Variants in PDZRN4 observed in about 807,000 individuals in gnomAD.
PDZRN4 encodes the protein PDZ domain-containing RING finger protein 4.
Under a neutral mutation model 99.0 loss-of-function variants are expected in PDZRN4, and 70 were observed. The ratio of observed to expected loss-of-function variants is 0.71; its 90% confidence interval spans 0.58 to 0.86. PDZRN4 has a LOEUF of 0.86. Among genes scored for constraint, PDZRN4 ranks in the 40% least tolerant of loss-of-function variants. The pLI is 0.00. For missense variants in PDZRN4, 1,474 were observed against 1,331.2 expected (o/e 1.11, Z -1.67); for synonymous variants, 551 against 501.6 (o/e 1.10, Z -1.32).
chr12:41,377,557 G>A (rs778409083), intron 3 of PDZRN4, among the ~76,000 whole-genome samples: 15 of 152,010 alleles, frequency 9.9e-5, no homozygotes, highest in South Asian at 4.1e-4. Context: ...CCAGCTACTC[G>A]GGAGGCTGAA....
At chr12:41,566,123 C>T (rs924037267) in intron 8 of PDZRN4, among the ~76,000 whole-genome samples, 2 of 152,160 alleles carry the variant, frequency 1.3e-5, no homozygotes, top group African/African-American at 4.8e-5. Context: ...CATATAATGA[C>T]TATGGCTGGC....
intron 3 of PDZRN4, among the ~76,000 whole-genome samples, chr12:41,306,271 T>TC (rs1229500590): frequency 6.6e-6 from 1 of 152,224 alleles, no homozygotes. Context: ...CCCTCATGGC[T>TC]CCAGGCAGCC....
intron 3 of PDZRN4, among the ~76,000 whole-genome samples, chr12:41,335,700 G>T (rs1170153607): frequency 6.6e-6 from 1 of 151,934 alleles, no homozygotes; most frequent in East Asian, 1.9e-4. Flanking sequence ...CTCAGTAGTG[G>T]GAAAATAGTC....
At chr12:41,231,163 C>A (rs770935856) in intron 3 of PDZRN4, among the ~76,000 whole-genome samples, 5 of 152,030 alleles carry the variant, frequency 3.3e-5, no homozygotes, top group Non-Finnish European at 7.4e-5. Flanking sequence ...CTCATTAGGG[C>A]TAAACAGATA....
chr12:41,449,612 A>G (rs896714511), intron 3 of PDZRN4, among the ~76,000 whole-genome samples: 1 of 152,192 alleles, frequency 6.6e-6, no homozygotes, highest in Non-Finnish European at 1.5e-5. Context: ...TGAGAGAAAG[A>G]CAGGGAGGAA....
In PDZRN4 at chr12:41,466,069, C is replaced by T. The variant is rs1273553793; in HGVS notation, c.844-40387C>T. Among the ~76,000 whole-genome samples, 3 of 152,122 alleles carry T rather than the reference C, an allele frequency of 2.0e-5. No individual in the cohort carries two copies. The East Asian group carries it at 5.8e-4, about 29-fold the overall frequency. The stretch of plus-strand genomic sequence containing the variant: ...GTCTTGTTTTTATTACATTTCATGC[C>T]AGAATGAACCTAGCCAGGATCTTTA... On this transcript the variant is annotated intron_variant, in intron 3 of 9. Transcript: ENST00000402685.
intron 3 of PDZRN4, among the ~76,000 whole-genome samples, chr12:41,338,818 AC>A (rs1951794038): frequency 6.6e-6 from 1 of 152,008 alleles, no homozygotes; most frequent in South Asian, 2.1e-4. Context: ...AACAACAACA[AC>A]AAAATCTTTC....
rs1475852524 is a variant in PDZRN4, at chr12:41,281,282, G to T, written c.843+87094G>T. Among the ~76,000 whole-genome samples, 2 of 151,192 alleles carry T rather than the reference G, an allele frequency of 1.3e-5. 1 individual carries two copies. ...GAAAAACCAGTGCAAATAGGCTGAA[G>T]ATTTCAAAAACCAGAATGCCTCTTC... On this transcript the variant is annotated intron_variant, in intron 3 of 9. Transcript: ENST00000402685.
chr12:41,570,111 G>T (rs1006849428), intron 9 of PDZRN4, among the ~76,000 whole-genome samples: 1 of 152,150 alleles, frequency 6.6e-6, no homozygotes, highest in Non-Finnish European at 1.5e-5. Context: ...CTCATCAGAG[G>T]TAATACAAAT....
At chr12:41,207,811 G>A (rs966313152) in intron 3 of PDZRN4, among the ~76,000 whole-genome samples, 1 of 151,814 alleles carries the variant, frequency 6.6e-6, no homozygotes, top group African/African-American at 2.4e-5. Context: ...TGTCTGAAGA[G>A]GAAATATGGC....
At chr12:41,498,599 G>A (rs1404415810) in intron 3 of PDZRN4, among the ~76,000 whole-genome samples, 9 of 152,050 alleles carry the variant, frequency 5.9e-5, no homozygotes, top group Admixed American at 5.9e-4. Flanking sequence ...ATCCGTCAGT[G>A]CAGAGCTTTT....
At chr12:41,483,789 A>G (rs547873302) in intron 3 of PDZRN4, among the ~76,000 whole-genome samples, 28 of 152,140 alleles carry the variant, frequency 1.8e-4, no homozygotes, top group Non-Finnish European at 3.7e-4. Flanking sequence ...CTTTGCTCCA[A>G]TGTGGCCTTG....
At chr12:41,292,386 C>T in intron 3 of PDZRN4, among the ~76,000 whole-genome samples, 1 of 151,950 alleles carries the variant, frequency 6.6e-6, no homozygotes, top group East Asian at 1.9e-4. Flanking sequence ...GAAGTGCAGA[C>T]CAAGAGAAAA....
At chr12:41,331,502 A>C (rs1951740871) in intron 3 of PDZRN4, among the ~76,000 whole-genome samples, 1 of 152,100 alleles carries the variant, frequency 6.6e-6, no homozygotes, top group Admixed American at 6.6e-5. Flanking sequence ...TACATTTCTT[A>C]AATGTGAAAG....
In PDZRN4 at chr12:41,210,291, G is replaced by C. The variant is rs1055900356; in HGVS notation, c.843+16103G>C. On this transcript the variant is annotated intron_variant, in intron 3 of 9. Transcript: ENST00000402685. The stretch of plus-strand genomic sequence containing the variant: ...GGTTGCAAAAATTTTCTCCCATTCT[G>C]TTGGTTGCTTGTTCACTCTGATGGT... 3.3e-5 allele frequency among the ~76,000 whole-genome samples: 5 copies of C among 152,096 alleles called. No homozygotes were observed. In the South Asian group the frequency reaches 1.0e-3, roughly 32 times the overall value.
Position 41,189,051 on chromosome 12 carries a change from A to G in PDZRN4, c.596A>G (p.Tyr199Cys). The G allele has an allele frequency of 6.3e-7, 1 of 1,577,256 alleles. No individual in the cohort carries two copies. Among genetic ancestry groups the G allele is most frequent in the Non-Finnish European group, 8.5e-7 (1 of 1,169,926 alleles). The change falls in exon 1 of 10, where the codon TAC becomes TGC. Residue 199 changes from tyrosine to cysteine, a missense_variant. Transcript: ENST00000402685. ...AGGTACCAGGAGAAGTTCACCCAATACATGGCTCACGTCCGCAACTTCGTC... is the reference window on the plus strand; with the variant it reads ...AGGTACCAGGAGAAGTTCACCCAATGCATGGCTCACGTCCGCAACTTCGTC... ...ARRYQEKFTQ[Y>C]MAHVRNFVGD...
chr12:41,467,517 AG>A (rs1952939491), intron 3 of PDZRN4, among the ~76,000 whole-genome samples: 1 of 152,152 alleles, frequency 6.6e-6, no homozygotes, highest in Non-Finnish European at 1.5e-5. Flanking sequence ...GAGTGTGTCA[AG>A]TTGAATGTGA....
chr12:41,431,403 A>T (rs1332475611), intron 3 of PDZRN4, among the ~76,000 whole-genome samples: 1 of 152,218 alleles, frequency 6.6e-6, no homozygotes, highest in Non-Finnish European at 1.5e-5. Flanking sequence ...ACATTACATC[A>T]ATAGAGATCA....
At chr12:41,398,401 A>AT (rs1184863509) in intron 3 of PDZRN4, among the ~76,000 whole-genome samples, 1 of 152,132 alleles carries the variant, frequency 6.6e-6, no homozygotes, top group African/African-American at 2.4e-5. Context: ...TTAGACAAAA[A>AT]AAAAAGTAGT....
Sources: gnomAD v4.1 joint callset for allele counts (sites outside exome capture counted in the v4.1 genomes callset) on GRCh38, gnomAD v4.1.1 for gene constraint, MANE v1.5 for transcripts, NCBI Gene and HGNC (gene_info 2026-07-23, HGNC 2026-07-21) for gene names.